SAMD5: variants seen among roughly 807,000 people sequenced by gnomAD.
SAMD5 encodes sterile alpha motif domain containing 5, also known as sterile alpha motif domain-containing protein 5.
In SAMD5, 13 loss-of-function variants were observed where a neutral mutation model predicts 11.3. The ratio of observed to expected loss-of-function variants is 1.15; its 90% CI spans 0.75 to 1.83. The LOEUF is 1.83. SAMD5 is among the 40% of genes most tolerant of loss of function. The pLI, the probability that SAMD5 is intolerant of heterozygous loss-of-function variation, is 0.00. For synonymous variants in SAMD5, 129 were observed against 111.3 expected (o/e 1.16, Z -1.00); for missense variants, 255 against 239.1 (o/e 1.07, Z -0.44).
At chr6:147,527,359 AG>A (rs770423980) in intron 1 of SAMD5, among the ~76,000 whole-genome samples, 3 of 152,156 alleles carry the variant, frequency 2.0e-5, no homozygotes, top group Non-Finnish European at 2.9e-5. Context: ...CCAGAGCAGG[AG>A]GAACAGAGAG....
At chr6:147,591,278 A>G (rs568200326) in intron 1 of SAMD5, among the ~76,000 whole-genome samples, 9 of 152,338 alleles carry the variant, frequency 5.9e-5, no homozygotes, top group African/African-American at 1.9e-4. Context: ...GTTTCAGTGT[A>G]TAACTCAAAA....
At chr6:147,707,096 T>C (rs1380308759) in intron 1 of SAMD5, among the ~76,000 whole-genome samples, 1 of 152,236 alleles carries the variant, frequency 6.6e-6, no homozygotes, top group Non-Finnish European at 1.5e-5. Flanking sequence ...GAAGTTTTAG[T>C]CATTAGAGAG....
chr6:147,821,702 C>T, the SAMD5 span, among the ~76,000 whole-genome samples: 2 of 152,264 alleles, frequency 1.3e-5, no homozygotes, highest in South Asian at 4.1e-4. Context: ...GATGATTGGG[C>T]AAGTTACCCT....
At chr6:147,554,077 C>A (rs1440979625) in intron 1 of SAMD5, among the ~76,000 whole-genome samples, 2 of 152,042 alleles carry the variant, frequency 1.3e-5, no homozygotes, top group African/African-American at 4.8e-5. Context: ...AGGAAACTTA[C>A]AATTATGGCA....
intron 1 of SAMD5, among the ~76,000 whole-genome samples, chr6:147,729,240 T>G (rs1791674336): frequency 6.6e-6 from 1 of 152,224 alleles, no homozygotes; most frequent in Non-Finnish European, 1.5e-5. Context: ...AATTACCTCC[T>G]TAAAGGTCCC....
At chr6:147,885,735 C>T in the SAMD5 span, among the ~76,000 whole-genome samples, 1 of 152,124 alleles carries the variant, frequency 6.6e-6, no homozygotes, top group South Asian at 2.1e-4. Flanking sequence ...AGGGGTACTC[C>T]AAGCTCATGA....
the SAMD5 span, among the ~76,000 whole-genome samples, chr6:147,828,351 T>A: frequency 0.11 from 16,607 of 152,230 alleles, 1,138 homozygotes; most frequent in East Asian, 0.34. Context: ...TGGTTAATAT[T>A]GAATGTCAAC....
At chr6:147,634,281 G>A (rs1321553720) in intron 1 of SAMD5, among the ~76,000 whole-genome samples, 1 of 152,210 alleles carries the variant, frequency 6.6e-6, no homozygotes, top group East Asian at 1.9e-4. Context: ...ATGGCAGAAG[G>A]TGAAGAGGAA....
chr6:147,547,499 C>T (rs966942534), intron 1 of SAMD5, among the ~76,000 whole-genome samples: 3 of 152,194 alleles, frequency 2.0e-5, no homozygotes, highest in African/African-American at 7.2e-5. Context: ...CTGGAGGCTG[C>T]CCTCACTTCT....
chr6:147,763,413 C>T, the SAMD5 span, among the ~76,000 whole-genome samples: 7 of 151,858 alleles, frequency 4.6e-5, no homozygotes, highest in South Asian at 2.1e-4. Flanking sequence ...CTGCCCGCCT[C>T]GGCCTCTCAA....
At position 147,720,608 on chromosome 6, in the gene SAMD5, G is replaced by A. The variant is rs188605997; in HGVS notation, c.163-16709G>A. ...TAAAGATTGATTATATAGTGTTTTT[G>A]CAGCTTCCTGAACTTCTCAGTGGCA... On this transcript the variant is annotated intron_variant, in intron 1 of 1. Coordinates refer to the SAMD5 transcript ENST00000566741. Among the ~76,000 whole-genome samples the A allele has an allele frequency of 2.6e-3, 395 of 152,142 alleles. 2 individuals are homozygous for A. The highest frequency in any genetic ancestry group is 9.1e-3 in the African/African-American group (376 of 41,506).
At chr6:147,650,637 G>A (rs1790470359) in intron 1 of SAMD5, among the ~76,000 whole-genome samples, 1 of 152,236 alleles carries the variant, frequency 6.6e-6, no homozygotes, top group Admixed American at 6.5e-5. Context: ...AGGTGTATCT[G>A]ATGTGATTAA....
At chr6:147,916,798 T>C in the SAMD5 span, among the ~76,000 whole-genome samples, 6 of 147,832 alleles carry the variant, frequency 4.1e-5, no homozygotes, top group East Asian at 4.2e-4. Context: ...TGAGTGAGAA[T>C]ATACGGTGTT....
chr6:147,669,032 G>C (rs1790759761), intron 1 of SAMD5, among the ~76,000 whole-genome samples: 1 of 152,146 alleles, frequency 6.6e-6, no homozygotes, highest in South Asian at 2.1e-4. Flanking sequence ...GCTGCTGACT[G>C]ATCAGGGTGG....
intron 1 of SAMD5, among the ~76,000 whole-genome samples, chr6:147,556,020 A>G (rs1331671786): frequency 2.6e-5 from 4 of 152,304 alleles, no homozygotes; most frequent in Admixed American, 2.6e-4. Flanking sequence ...ATTCTTCTTA[A>G]TTTTGGGGAG....
chr6:147,804,208 A>G, the SAMD5 span, among the ~76,000 whole-genome samples: 1 of 150,386 alleles, frequency 6.6e-6, no homozygotes, highest in East Asian at 2.0e-4. Flanking sequence ...CTTGAGTTCA[A>G]TCGATTCTCC....
At chr6:147,766,326 A>G in the SAMD5 span, among the ~76,000 whole-genome samples, 1 of 152,086 alleles carries the variant, frequency 6.6e-6, no homozygotes, top group Admixed American at 6.5e-5. Context: ...GAACACAACA[A>G]CCCAAATTAA....
At chr6:147,734,050 CTATAA>C (rs201815387) in intron 1 of SAMD5, among the ~76,000 whole-genome samples, 51 of 152,038 alleles carry the variant, frequency 3.4e-4, no homozygotes, top group African/African-American at 1.1e-3. Context: ...TTATTTTTCC[CTATAA>C]GATAAGTTTT....
chr6:147,649,131 T>C (rs1319339626), intron 1 of SAMD5, among the ~76,000 whole-genome samples: 1 of 152,224 alleles, frequency 6.6e-6, no homozygotes, highest in Non-Finnish European at 1.5e-5. Flanking sequence ...TCACCAGCTG[T>C]GGAAGTCCAG....
Sources: gnomAD v4.1 joint callset for allele counts (sites outside exome capture counted in the v4.1 genomes callset) on GRCh38, gnomAD v4.1.1 for gene constraint, MANE v1.5 for transcripts, NCBI Gene and HGNC (gene_info 2026-07-23, HGNC 2026-07-21) for gene names.